TOM1L2: variants seen among roughly 807,000 people sequenced by gnomAD.
TOM1L2 encodes the protein target of myb1 like 2 membrane trafficking protein.
Under a neutral mutation model 67.9 loss-of-function variants are expected in TOM1L2, and 31 were observed. The ratio of observed to expected loss-of-function variants is 0.46; its 90% confidence interval spans 0.34 to 0.62. The LOEUF is 0.62. TOM1L2 is among the 20% of genes least tolerant of loss of function. TOM1L2 has a pLI of 0.01. For missense variants in TOM1L2, 606 were observed against 663.5 expected (o/e 0.91, Z 0.95); for synonymous variants, 256 against 254.0 (o/e 1.01, Z -0.07).
At chr17:17,957,872 T>C (rs1216219651) in intron 1 of TOM1L2, among the ~76,000 whole-genome samples, 1 of 151,810 alleles carries the variant, frequency 6.6e-6, no homozygotes, top group Non-Finnish European at 1.5e-5. Flanking sequence ...GGGCGGATCA[T>C]GAGGTCCGGA....
chr17:17,909,890 A>G (rs1030815099), intron 1 of TOM1L2, among the ~76,000 whole-genome samples: 26 of 152,174 alleles, frequency 1.7e-4, no homozygotes, highest in African/African-American at 6.3e-4. Context: ...TTAGCTGGGC[A>G]TAGTGGCTTG....
intron 1 of TOM1L2, among the ~76,000 whole-genome samples, chr17:17,912,221 G>C (rs1444434897): frequency 2.6e-5 from 4 of 151,684 alleles, no homozygotes; most frequent in Non-Finnish European, 4.4e-5. Flanking sequence ...TCACTTCCCA[G>C]TAGGGGCGGC....
Position 17,972,272 on chromosome 17 carries a change from C to G in TOM1L2, c.42G>C (p.Gly14=). The G allele has an allele frequency of 6.4e-7, 1 of 1,551,506 alleles. No homozygotes were observed. The highest frequency in any genetic ancestry group is 8.7e-7 in the Non-Finnish European group (1 of 1,148,156). Reference sequence around the variant, plus strand: ...CACACGCGGCCTTACCGAGGCACTGCCCCACTGGTGTGCTGAACGGGTTCC... The same window carrying G: ...CACACGCGGCCTTACCGAGGCACTGGCCCACTGGTGTGCTGAACGGGTTCC... ...LLGNPFSTPV[G]QCLEKATDGS... is the part of the protein sequence containing the mutation. The change falls in exon 1 of 15, where the codon GGG becomes GGC. Residue 14 remains glycine, a synonymous_variant. Coordinates refer to ENST00000379504, the MANE Select transcript of TOM1L2 (RefSeq NM_001082968.2).
intron 1 of TOM1L2, among the ~76,000 whole-genome samples, chr17:17,911,480 C>G (rs1303001851): frequency 6.6e-6 from 1 of 152,144 alleles, no homozygotes; most frequent in East Asian, 1.9e-4. Context: ...TCTGCTGTTG[C>G]ACCAGGTTTT....
chr17:17,905,537 TTTC>T (rs1263330620), intron 2 of TOM1L2, among the ~76,000 whole-genome samples: 1 of 152,230 alleles, frequency 6.6e-6, no homozygotes, highest in African/African-American at 2.4e-5. Flanking sequence ...CTGGGTTTTC[TTTC>T]TTCTTTTTTC....
chr17:17,901,485 A>G (rs536379219), intron 2 of TOM1L2, among the ~76,000 whole-genome samples: 1 of 152,286 alleles, frequency 6.6e-6, no homozygotes, highest in South Asian at 2.1e-4. Flanking sequence ...CCCTAGACTT[A>G]TAAGAACTCT....
intron 5 of TOM1L2, among the ~76,000 whole-genome samples, chr17:17,883,472 C>T (rs191884913): frequency 1.3e-5 from 2 of 152,024 alleles, no homozygotes; most frequent in Admixed American, 6.5e-5. Flanking sequence ...CGGTGGCTTA[C>T]GCCTGTAATC....
intron 3 of TOM1L2, among the ~76,000 whole-genome samples, chr17:17,894,955 ACATACATACATACATACATACATG>A (rs1342539737): frequency 6.8e-6 from 1 of 146,002 alleles, no homozygotes; most frequent in African/African-American, 2.5e-5. Flanking sequence ...ATACATACAT[ACATACATACATACATACATACATG>A]CATGCATGCA....
intron 5 of TOM1L2, among the ~76,000 whole-genome samples, chr17:17,883,311 TG>T (rs1384578472): frequency 6.6e-6 from 1 of 152,248 alleles, no homozygotes; most frequent in African/African-American, 2.4e-5. Context: ...ATTTACCAAA[TG>T]TTTTTTGTAA....
At chr17:17,879,998 C>T (rs1417297257) in intron 6 of TOM1L2, among the ~76,000 whole-genome samples, 5 of 152,174 alleles carry the variant, frequency 3.3e-5, no homozygotes, top group Non-Finnish European at 5.9e-5. Context: ...AGCAGTACCA[C>T]GTAGTGAAGG....
intron 6 of TOM1L2, among the ~76,000 whole-genome samples, chr17:17,880,061 C>T (rs905030366): frequency 4.6e-5 from 7 of 152,194 alleles, no homozygotes; most frequent in Admixed American, 2.0e-4. Context: ...TCTCCCACCA[C>T]GGGAACTTGA....
chr17:17,951,501 C>G (rs2041206680), intron 1 of TOM1L2, among the ~76,000 whole-genome samples: 1 of 152,118 alleles, frequency 6.6e-6, no homozygotes, highest in Admixed American at 6.5e-5. Flanking sequence ...AGTTGCTGCC[C>G]TGGAGTGGCA....
chr17:17,952,879 T>C (rs1053919807), intron 1 of TOM1L2, among the ~76,000 whole-genome samples: 2 of 151,976 alleles, frequency 1.3e-5, no homozygotes, highest in Admixed American at 1.3e-4. Context: ...GAAGGCCCCT[T>C]AGCCACCTGA....
chr17:17,923,727 C>G (rs1196054979), intron 1 of TOM1L2, among the ~76,000 whole-genome samples: 1 of 151,716 alleles, frequency 6.6e-6, no homozygotes, highest in African/African-American at 2.4e-5. Flanking sequence ...TTATGTTATA[C>G]ACATCTTTAA....
intron 2 of TOM1L2, among the ~76,000 whole-genome samples, chr17:17,906,378 C>T (rs933090741): frequency 2.0e-5 from 3 of 152,078 alleles, no homozygotes; most frequent in Admixed American, 6.6e-5. Context: ...ACTGGCCCAC[C>T]TTGGCCTCCC....
intron 7 of TOM1L2, among the ~76,000 whole-genome samples, chr17:17,874,312 C>T (rs562345869): frequency 6.6e-6 from 1 of 151,642 alleles, no homozygotes; most frequent in Admixed American, 6.6e-5. Context: ...GCTCTGTCAC[C>T]CAGGCTGGAG....
At chr17:17,885,707 G>A (rs1396476047) in intron 4 of TOM1L2, among the ~76,000 whole-genome samples, 1 of 151,918 alleles carries the variant, frequency 6.6e-6, no homozygotes, top group Non-Finnish European at 1.5e-5. Context: ...GACGGATCAC[G>A]AGGTCAGGAG....
chr17:17,954,613 C>T (rs1377752364), intron 1 of TOM1L2, among the ~76,000 whole-genome samples: 1 of 152,108 alleles, frequency 6.6e-6, no homozygotes, highest in African/African-American at 2.4e-5. Context: ...GCGCCTGGCC[C>T]TATTTATAAA....
At chr17:17,961,733 G>A (rs369126280) in intron 1 of TOM1L2, among the ~76,000 whole-genome samples, 2 of 152,000 alleles carry the variant, frequency 1.3e-5, no homozygotes, top group African/African-American at 4.8e-5. Context: ...TTAGCCGGGC[G>A]TGGTGGCAGG....
Sources: gnomAD v4.1 joint callset for allele counts (sites outside exome capture counted in the v4.1 genomes callset) on GRCh38, gnomAD v4.1.1 for gene constraint, MANE v1.5 for transcripts, NCBI Gene and HGNC (gene_info 2026-07-23, HGNC 2026-07-21) for gene names.